SCUBE2: variants seen among roughly 807,000 people sequenced by gnomAD.
SCUBE2 encodes signal peptide, CUB and EGF-like domain-containing protein 2.
In SCUBE2, 114 loss-of-function variants were observed where a neutral mutation model predicts 125.9. That is an observed-to-expected ratio of 0.91 (90% CI 0.78 to 1.06). SCUBE2 has a LOEUF of 1.06. SCUBE2 is among the 50% of genes least tolerant of loss of function. The pLI is 0.00. For missense variants in SCUBE2, 1,255 were observed against 1,301.8 expected (o/e 0.96, Z 0.55); for synonymous variants, 459 against 492.9 (o/e 0.93, Z 0.91).
Position 9,089,646 on chromosome 11 carries a change from C to A in SCUBE2, c.256+61G>T, listed in dbSNP as rs184033538. On this transcript the variant is annotated intron_variant, in intron 2 of 22. Transcript: ENST00000649792. ...CTTTTACCAACATAAGTGGCCACTG[C>A]AAGAGCTAAGGAGGTAGGAGCTTCC... is the stretch of plus-strand genomic sequence containing the variant. The A allele has an allele frequency of 2.8e-4, 448 of 1,580,028 alleles. 3 individuals carry two copies. The African/African-American group carries it at 5.3e-3, about 19-fold the overall frequency.
At chr11:9,078,434 C>T (rs1458114707) in intron 3 of SCUBE2, among the ~76,000 whole-genome samples, 1 of 152,192 alleles carries the variant, frequency 6.6e-6, no homozygotes, top group Non-Finnish European at 1.5e-5. Context: ...ATGGAAATAA[C>T]CTCTCCTCCA....
At chr11:9,026,132 TCC>T (rs895739115) in intron 20 of SCUBE2, 3 of 287,198 alleles carry the variant, frequency 1.0e-5, no homozygotes, top group African/African-American at 6.5e-5. Flanking sequence ...GGTGAGGGCC[TCC>T]CATTCCAGAA....
At position 9,046,240 on chromosome 11, in the gene SCUBE2, C is replaced by T. The variant is rs545889127; in HGVS notation, c.2002+1116G>A. On this transcript the variant is annotated intron_variant, in intron 16 of 22. Coordinates refer to ENST00000649792, the MANE Select transcript of SCUBE2 (RefSeq NM_001367977.2). ...GGCCAGGATGGTCTCGATCTCCTGACCTCGTGATCTGCCCGCCTTGGCCTC... is the reference window on the plus strand; with the variant it reads ...GGCCAGGATGGTCTCGATCTCCTGATCTCGTGATCTGCCCGCCTTGGCCTC... 7.2e-5 allele frequency among the ~76,000 whole-genome samples: 11 copies of T among 152,026 alleles called. No homozygotes were observed. In the East Asian group the frequency reaches 1.9e-3, roughly 27 times the overall value.
intron 20 of SCUBE2, chr11:9,026,086 C>G (rs1300238628): frequency 4.2e-6 from 2 of 471,844 alleles, no homozygotes; most frequent in Non-Finnish European, 7.6e-6. Context: ...TGGCAAGCAG[C>G]AGCAGCCCAG....
chr11:9,063,311 G>A (rs968679132), intron 7 of SCUBE2, among the ~76,000 whole-genome samples: 2 of 152,034 alleles, frequency 1.3e-5, no homozygotes, highest in African/African-American at 4.8e-5. Context: ...AGAACAAAGG[G>A]ACTTGAATGT....
At position 9,089,764 on chromosome 11, in the gene SCUBE2, T is replaced by G. The variant is rs767944001; in HGVS notation, c.199A>C (p.Thr67Pro). ...HADALCQNTP[T>P]SYKCSCKPGY... is the part of the protein sequence containing the mutation. ...GGCTTGCAGGAGCACTTGTAGGAGG[T>G]GGGTGTGTTCTGACACAGGGCGTCG... is the stretch of plus-strand genomic sequence containing the variant. Residue 67 changes from threonine (T) to proline (P), a missense_variant, in exon 2 of 23, where the codon ACC (threonine) becomes CCC (proline). Coordinates refer to ENST00000649792, the MANE Select transcript of SCUBE2 (RefSeq NM_001367977.2). 1.2e-6 allele frequency: 2 copies of G among 1,613,794 alleles called. No individual in the cohort carries two copies. The highest frequency in any genetic ancestry group is 1.7e-6 in the Non-Finnish European group (2 of 1,179,930).
intron 3 of SCUBE2, among the ~76,000 whole-genome samples, chr11:9,075,957 G>A (rs554149781): frequency 4.6e-5 from 7 of 152,306 alleles, no homozygotes; most frequent in Admixed American, 2.6e-4. Flanking sequence ...AAATGGGAAT[G>A]GAGATATGGT....
intron 16 of SCUBE2, among the ~76,000 whole-genome samples, chr11:9,042,722 T>C (rs2135325984): frequency 6.6e-6 from 1 of 152,314 alleles, no homozygotes; most frequent in East Asian, 1.9e-4. Flanking sequence ...CATGGTGAGA[T>C]GAGGGATGTA....
At chr11:9,033,567 C>T in intron 17 of SCUBE2, 59 bp downstream of exon 17, 3 of 1,565,338 alleles carry the variant, frequency 1.9e-6, no homozygotes, top group Non-Finnish European at 2.6e-6. Context: ...GAGATGCCTT[C>T]TGTCTAAACA....
chr11:9,045,439 C>T (rs1376372203), intron 16 of SCUBE2, among the ~76,000 whole-genome samples: 1 of 152,036 alleles, frequency 6.6e-6, no homozygotes, highest in Non-Finnish European at 1.5e-5. Context: ...GAAGTGACTC[C>T]ATTTTTCTTT....
At chr11:9,078,827 T>C (rs1861409116) in intron 3 of SCUBE2, among the ~76,000 whole-genome samples, 1 of 152,250 alleles carries the variant, frequency 6.6e-6, no homozygotes, top group Non-Finnish European at 1.5e-5. Context: ...GTTTTATTCC[T>C]GGCATAAGGA....
At chr11:9,046,554 AC>A (rs975038896) in intron 16 of SCUBE2, among the ~76,000 whole-genome samples, 1 of 152,088 alleles carries the variant, frequency 6.6e-6, no homozygotes, top group Non-Finnish European at 1.5e-5. Flanking sequence ...GTGCAGTGTA[AC>A]CCTGAGAGGC....
At chr11:9,075,176 C>T (rs1861117885) in intron 3 of SCUBE2, among the ~76,000 whole-genome samples, 2 of 149,126 alleles carry the variant, frequency 1.3e-5, no homozygotes. Flanking sequence ...CACTGCACTC[C>T]AGCCTGGGCC....
At chr11:9,061,263 G>T (rs1421767645) in intron 7 of SCUBE2, among the ~76,000 whole-genome samples, 3 of 152,078 alleles carry the variant, frequency 2.0e-5, no homozygotes, top group African/African-American at 7.2e-5. Flanking sequence ...AAAGGCTGGG[G>T]GTGGGGGGTG....
chr11:9,089,647 A>T lies in SCUBE2; in HGVS notation c.256+60T>A, dbSNP rs545150844. 52 of 1,582,072 alleles carry T rather than the reference A, an allele frequency of 3.3e-5. 1 individual carries two copies. In the South Asian group the frequency reaches 5.8e-4, roughly 18 times the overall value. On this transcript the variant is annotated intron_variant, in intron 2 of 22. Transcript: ENST00000649792. ...TTTTACCAACATAAGTGGCCACTGC[A>T]AGAGCTAAGGAGGTAGGAGCTTCCC...
intron 21 of SCUBE2, among the ~76,000 whole-genome samples, chr11:9,023,109 T>C (rs1855448079): frequency 6.6e-6 from 1 of 152,218 alleles, no homozygotes. Context: ...TTACTTCCTA[T>C]AGGCATCATT....
At chr11:9,085,838 T>TC (rs1564854448) in intron 2 of SCUBE2, among the ~76,000 whole-genome samples, 2 of 150,424 alleles carry the variant, frequency 1.3e-5, no homozygotes, top group African/African-American at 4.9e-5. Context: ...TTTTTTTTTT[T>TC]TTTTTTTTTT....
chr11:9,047,317 A>C, intron 16 of SCUBE2, 39 bp downstream of exon 16: 1 of 1,608,624 alleles, frequency 6.2e-7, no homozygotes, highest in Non-Finnish European at 8.5e-7. Context: ...TATGGAGCCC[A>C]AGGCTGTTCT....
At position 9,053,633 on chromosome 11, in the gene SCUBE2, T is replaced by C. The variant is rs1446470627; in HGVS notation, c.1330+4A>G. On this transcript the variant is annotated splice_donor_region_variant and intron_variant, in intron 11 of 22. Transcript: ENST00000649792. ...GTCTGAGTCTGTGCCTCGGTTCCCC[T>C]TACCCACACAGTCTTTTTTATTCCA... 2 of 1,613,868 alleles carry C rather than the reference T, an allele frequency of 1.2e-6. No individual in the cohort carries two copies. The highest frequency in any genetic ancestry group is 1.3e-5 in the African/African-American group (1 of 75,042).
Sources: allele counts gnomAD v4.1 joint callset (sites outside exome capture counted in the v4.1 genomes callset), GRCh38; gene constraint gnomAD v4.1.1; transcripts MANE v1.5; gene names NCBI Gene and HGNC (gene_info 2026-07-23, HGNC 2026-07-21).